The following RBFOX1 variants were observed in gnomAD, a reference collection of about 807,000 sequenced individuals.
RBFOX1 encodes the protein RNA binding fox-1 homolog 1.
RBFOX1 carries 8 observed loss-of-function variants against 57.7 expected under a neutral mutation model. The ratio of observed to expected loss-of-function variants is 0.14; its 90% CI spans 0.08 to 0.25. The LOEUF is 0.25. Among genes scored for constraint, RBFOX1 ranks in the 10% least tolerant of loss-of-function variants. The pLI is 1.00. For synonymous variants in RBFOX1, 326 were observed against 222.4 expected (o/e 1.47, Z -4.15); for missense variants, 611 against 548.5 (o/e 1.11, Z -1.14).
chr16:5,549,172 T>C (rs2045353902), intron 2 of RBFOX1, among the ~76,000 whole-genome samples: 1 of 152,198 alleles, frequency 6.6e-6, no homozygotes, highest in Non-Finnish European at 1.5e-5. Flanking sequence ...TGGTTGTTCC[T>C]GAGGCAGCCA....
At chr16:7,612,076 C>CT (rs2057582847) in intron 10 of RBFOX1, among the ~76,000 whole-genome samples, 1 of 152,000 alleles carries the variant, frequency 6.6e-6, no homozygotes, top group Non-Finnish European at 1.5e-5. Context: ...AATCCCAGCA[C>CT]TTTGGGAGGC....
chr16:6,519,823 C>T (rs950250439), intron 2 of RBFOX1, among the ~76,000 whole-genome samples: 1 of 152,202 alleles, frequency 6.6e-6, no homozygotes, highest in African/African-American at 2.4e-5. Flanking sequence ...TCTTCATTAT[C>T]TCCATTTCAT....
At chr16:6,838,272 T>G (rs753470088) in intron 3 of RBFOX1, among the ~76,000 whole-genome samples, 1 of 152,064 alleles carries the variant, frequency 6.6e-6, no homozygotes, top group African/African-American at 2.4e-5. Context: ...AGTGAGAAGA[T>G]GTGGTGTTTG....
At chr16:6,593,488 C>T (rs2097743558) in intron 2 of RBFOX1, among the ~76,000 whole-genome samples, 2 of 152,138 alleles carry the variant, frequency 1.3e-5, no homozygotes. Flanking sequence ...TTTCCTTGTA[C>T]TAGAGGGAGA....
chr16:6,851,729 G>T (rs980471537), intron 3 of RBFOX1, among the ~76,000 whole-genome samples: 10 of 152,018 alleles, frequency 6.6e-5, no homozygotes, highest in African/African-American at 2.2e-4. Context: ...CAAATTCAGA[G>T]CATGATTTGA....
At chr16:5,828,334 T>C (rs1352941046) in intron 3 of RBFOX1, among the ~76,000 whole-genome samples, 1 of 152,164 alleles carries the variant, frequency 6.6e-6, no homozygotes, top group African/African-American at 2.4e-5. Flanking sequence ...ATAAACATGG[T>C]ATTAAAGGAT....
chr16:6,172,413 G>T (rs1267020628), intron 1 of RBFOX1, among the ~76,000 whole-genome samples: 1 of 152,170 alleles, frequency 6.6e-6, no homozygotes, highest in Non-Finnish European at 1.5e-5. Context: ...TTCCATCCCT[G>T]TGAGCAAACC....
At chr16:7,104,592 A>G (rs2151432058) in intron 4 of RBFOX1, among the ~76,000 whole-genome samples, 1 of 152,296 alleles carries the variant, frequency 6.6e-6, no homozygotes, top group Non-Finnish European at 1.5e-5. Flanking sequence ...TCTATAGTCA[A>G]GTCAGGACCT....
At chr16:6,332,755 C>G (rs2083193338) in intron 2 of RBFOX1, among the ~76,000 whole-genome samples, 1 of 152,108 alleles carries the variant, frequency 6.6e-6, no homozygotes. Context: ...GTGAATAGTT[C>G]AGAGAACTTA....
intron 4 of RBFOX1, among the ~76,000 whole-genome samples, chr16:5,921,217 T>A (rs1175057264): frequency 6.6e-6 from 1 of 152,230 alleles, no homozygotes; most frequent in Non-Finnish European, 1.5e-5. Flanking sequence ...CTGGTCCCAT[T>A]CTAGCTCATA....
intron 4 of RBFOX1, among the ~76,000 whole-genome samples, chr16:5,870,226 G>A (rs977725028): frequency 2.6e-4 from 39 of 151,010 alleles, no homozygotes; most frequent in African/African-American, 9.2e-4. Flanking sequence ...CCTCTGGGAG[G>A]CGTTGGCTGG....
At chr16:7,305,277 C>T (rs911917885) in intron 4 of RBFOX1, among the ~76,000 whole-genome samples, 1 of 152,008 alleles carries the variant, frequency 6.6e-6, no homozygotes, top group African/African-American at 2.4e-5. Context: ...CCTTGGGACC[C>T]TCTCTGCTCT....
intron 1 of RBFOX1, among the ~76,000 whole-genome samples, chr16:5,390,536 G>T (rs2066378727): frequency 6.6e-6 from 1 of 151,992 alleles, no homozygotes; most frequent in Admixed American, 6.6e-5. Flanking sequence ...TGATCCACCT[G>T]CCTCGGCCTC....
chr16:6,390,912 T>G (rs1447082819), intron 2 of RBFOX1, among the ~76,000 whole-genome samples: 3 of 152,058 alleles, frequency 2.0e-5, no homozygotes, highest in Non-Finnish European at 2.9e-5. Context: ...GACGGGCTTG[T>G]GGGGCCGGGT....
chr16:6,950,165 C>T (rs946499811), intron 3 of RBFOX1, among the ~76,000 whole-genome samples: 2 of 146,612 alleles, frequency 1.4e-5, no homozygotes, highest in African/African-American at 5.2e-5. Context: ...ACCATGTTGG[C>T]CAGGCTGGTC....
intron 3 of RBFOX1, among the ~76,000 whole-genome samples, chr16:6,660,644 T>G (rs79859091): frequency 0.047 from 7,156 of 152,244 alleles, 387 homozygotes; most frequent in African/African-American, 0.11. Context: ...CTGCTTATCT[T>G]TAAATTGGGA....
At chr16:5,896,354 C>A (rs1484685770) in intron 4 of RBFOX1, among the ~76,000 whole-genome samples, 2 of 152,184 alleles carry the variant, frequency 1.3e-5, no homozygotes, top group Non-Finnish European at 2.9e-5. Context: ...TTAATCCCCT[C>A]CCTGTGGGGT....
chr16:5,827,670 T>C (rs74004635), intron 3 of RBFOX1, among the ~76,000 whole-genome samples: 207 of 152,286 alleles, frequency 1.4e-3, no homozygotes, highest in African/African-American at 4.8e-3. Flanking sequence ...GTTTTTTAGT[T>C]AAATTTTAGA....
chr16:6,693,575 T>TCATCGTCATCATCCTCCACTACCATCAC (rs2060567752), intron 3 of RBFOX1, among the ~76,000 whole-genome samples: 1 of 151,402 alleles, frequency 6.6e-6, no homozygotes, highest in Non-Finnish European at 1.5e-5. Flanking sequence ...ACCACCATCA[T>TCATCGTCATCATCCTCCACTACCATCAC]CATCGTCATC....
Sources: gnomAD v4.1 joint callset for allele counts (sites outside exome capture counted in the v4.1 genomes callset) on GRCh38, gnomAD v4.1.1 for gene constraint, MANE v1.5 for transcripts, NCBI Gene and HGNC (gene_info 2026-07-23, HGNC 2026-07-21) for gene names.